The following CDYL2 variants were observed in gnomAD, a reference collection of about 807,000 sequenced individuals.
CDYL2 encodes chromodomain Y like 2, also known as chromodomain Y-like protein 2.
A neutral mutation model predicts 49.4 loss-of-function variants in CDYL2; 23 were observed. The observed-to-expected ratio is 0.47, with a 90% CI of 0.34 to 0.66. CDYL2 has a LOEUF of 0.66. Among genes scored for constraint, CDYL2 ranks in the 30% least tolerant of loss-of-function variants. The pLI, the probability that CDYL2 is intolerant of heterozygous loss-of-function variation, is 0.01. For missense variants in CDYL2, 678 were observed against 656.4 expected (o/e 1.03, Z -0.36); for synonymous variants, 360 against 268.8 (o/e 1.34, Z -3.32).
intron 2 of CDYL2, among the ~76,000 whole-genome samples, chr16:80,655,405 C>T (rs1908763044): frequency 6.6e-6 from 1 of 152,146 alleles, no homozygotes; most frequent in Admixed American, 6.5e-5. Flanking sequence ...CCTCATGGAG[C>T]TTGCTTTGGG....
chr16:80,743,168 G>A (rs1014168492), intron 1 of CDYL2, among the ~76,000 whole-genome samples: 1 of 152,044 alleles, frequency 6.6e-6, no homozygotes, highest in Non-Finnish European at 1.5e-5. Context: ...CAACTTCATG[G>A]TAGGCAAACC....
chr16:80,745,071 G>A (rs939091560), intron 1 of CDYL2, among the ~76,000 whole-genome samples: 2 of 152,176 alleles, frequency 1.3e-5, no homozygotes, highest in Non-Finnish European at 2.9e-5. Flanking sequence ...CATCGAGGAA[G>A]TGCATTCACA....
At chr16:80,749,442 C>T (rs1006344903) in intron 1 of CDYL2, among the ~76,000 whole-genome samples, 1 of 152,058 alleles carries the variant, frequency 6.6e-6, no homozygotes, top group Non-Finnish European at 1.5e-5. Context: ...ACTAGAAATA[C>T]TCAATAAATA....
chr16:80,751,885 T>C (rs1906149187), intron 1 of CDYL2, among the ~76,000 whole-genome samples: 1 of 152,298 alleles, frequency 6.6e-6, no homozygotes, highest in Non-Finnish European at 1.5e-5. Flanking sequence ...CTTTGCCTAC[T>C]GGAGGACAGG....
rs1300297053 is a variant in CDYL2, at chr16:80,804,590, G to A, written c.-417C>T. Among the ~76,000 whole-genome samples the A allele has an allele frequency of 6.9e-6, 1 of 144,054 alleles. No homozygotes were observed. The highest frequency in any genetic ancestry group is 1.5e-5 in the Non-Finnish European group (1 of 64,940). The allele number at this position is 144,054 out of a possible 152,430, so 94.5% of individuals were successfully genotyped here. On this transcript the variant is annotated 5_prime_UTR_variant, in exon 1 of 7. Transcript: ENST00000570137. ...GGCGCCCGCCGCCGGCCCGGACGCT[G>A]CTGCCACTGGGCGAGTCCCCGCCCC...
intron 1 of CDYL2, among the ~76,000 whole-genome samples, chr16:80,726,381 T>A (rs948413055): frequency 6.6e-6 from 1 of 152,242 alleles, no homozygotes; most frequent in African/African-American, 2.4e-5. Context: ...AATCCTACTG[T>A]AATTTACTAT....
intron 2 of CDYL2, among the ~76,000 whole-genome samples, chr16:80,677,248 G>GGCAT (rs1909789096): frequency 6.6e-6 from 1 of 152,028 alleles, no homozygotes; most frequent in African/African-American, 2.4e-5. Context: ...TGGGATTACA[G>GGCAT]GCATGAGCCA....
chr16:80,688,931 G>C (rs996807517), intron 1 of CDYL2, among the ~76,000 whole-genome samples: 8 of 152,088 alleles, frequency 5.3e-5, no homozygotes, highest in Admixed American at 2.6e-4. Flanking sequence ...AAAAAACAGA[G>C]AGCTGGTACC....
intron 2 of CDYL2, among the ~76,000 whole-genome samples, chr16:80,651,637 T>A (rs550172828): frequency 6.6e-6 from 1 of 152,330 alleles, no homozygotes; most frequent in East Asian, 1.9e-4. Context: ...CAGGGTAGAA[T>A]GCAGAATGTG....
intron 1 of CDYL2, among the ~76,000 whole-genome samples, chr16:80,798,581 T>C (rs1468069886): frequency 1.3e-5 from 2 of 152,242 alleles, no homozygotes; most frequent in Non-Finnish European, 2.9e-5. Context: ...GAATAGAGTA[T>C]ATACTACATA....
intron 2 of CDYL2, 130 bp from the exon 3 acceptor site, chr16:80,633,366 G>A: frequency 2.4e-6 from 2 of 835,978 alleles, no homozygotes; most frequent in Middle Eastern, 3.1e-4. Flanking sequence ...TCTCCCCTGT[G>A]CCACCCTCTG....
At chr16:80,693,915 T>C (rs1198210118) in intron 1 of CDYL2, among the ~76,000 whole-genome samples, 1 of 152,188 alleles carries the variant, frequency 6.6e-6, no homozygotes, top group Admixed American at 6.5e-5. Context: ...TACAGATGTA[T>C]GATACAACCT....
At chr16:80,614,869 G>GAAA (rs57112645) in intron 4 of CDYL2, among the ~76,000 whole-genome samples, 24 of 71,306 alleles carry the variant, frequency 3.4e-4, no homozygotes, top group South Asian at 5.6e-4. Context: ...GTCTCAGGGA[G>GAAA]AAAAAAAAAA....
intron 2 of CDYL2, among the ~76,000 whole-genome samples, chr16:80,655,882 T>A (rs77888109): frequency 0.015 from 2,212 of 152,260 alleles, 13 homozygotes; most frequent in Middle Eastern, 0.024. Flanking sequence ...TTCAGGAGCA[T>A]CATGCTTCCC....
At chr16:80,710,744 C>T (rs1300264003) in intron 1 of CDYL2, among the ~76,000 whole-genome samples, 2 of 152,120 alleles carry the variant, frequency 1.3e-5, no homozygotes, top group African/African-American at 4.8e-5. Context: ...ACTGCTTACA[C>T]ACACACACAC....
chr16:80,685,316 C>T (rs779771146), intron 1 of CDYL2, among the ~76,000 whole-genome samples, 187 bp from the exon 2 acceptor site: 4 of 152,158 alleles, frequency 2.6e-5, no homozygotes, highest in Non-Finnish European at 4.4e-5. Flanking sequence ...GTTTATTTTA[C>T]GACATCACTG....
intron 1 of CDYL2, among the ~76,000 whole-genome samples, chr16:80,714,521 C>G (rs1056265815): frequency 3.9e-5 from 6 of 152,154 alleles, no homozygotes; most frequent in African/African-American, 1.4e-4. Flanking sequence ...CAAGAGGCTG[C>G]TGCCCACCTG....
chr16:80,664,262 C>A (rs1909168443), intron 2 of CDYL2, among the ~76,000 whole-genome samples: 1 of 152,152 alleles, frequency 6.6e-6, no homozygotes, highest in African/African-American at 2.4e-5. Flanking sequence ...AGTTTTCCAC[C>A]CTCTGAGCCA....
chr16:80,720,348 C>T (rs931278930), intron 1 of CDYL2, among the ~76,000 whole-genome samples: 6 of 152,144 alleles, frequency 3.9e-5, no homozygotes, highest in African/African-American at 9.7e-5. Flanking sequence ...GGTTTTGCCC[C>T]GCAGATTTGA....
Sources: gnomAD v4.1 joint callset for allele counts (sites outside exome capture counted in the v4.1 genomes callset) on GRCh38, gnomAD v4.1.1 for gene constraint, MANE v1.5 for transcripts, NCBI Gene and HGNC (gene_info 2026-07-23, HGNC 2026-07-21) for gene names.